Variants in ABCA13 observed in about 807,000 individuals in gnomAD.
ABCA13 encodes the protein ATP-binding cassette sub-family A member 13.
Under a neutral mutation model 478.7 loss-of-function variants are expected in ABCA13, and 476 were observed. That is an observed-to-expected ratio of 0.99 (90% CI 0.92 to 1.07). ABCA13 has a LOEUF of 1.07. ABCA13 is among the 50% of genes least tolerant of loss of function. The probability of loss-of-function intolerance (pLI) is 0.00; values close to 1 mark genes in which losing one functional copy is unlikely to be tolerated. For synonymous variants in ABCA13, 2,252 were observed against 2,158.9 expected, an observed-to-expected ratio of 1.04 and a Z score of -1.20; for missense variants, 6,060 against 5,910.6, an observed-to-expected ratio of 1.03 and a Z score of -0.83.
chr7:48,434,799 A>T (rs1241488730), intron 42 of ABCA13, among the ~76,000 whole-genome samples: 3 of 151,882 alleles, frequency 2.0e-5, no homozygotes, highest in Non-Finnish European at 4.4e-5. Flanking sequence ...TCATTTGTTG[A>T]AAACCAATTG....
At chr7:48,317,690 A>T (rs1802795513) in intron 27 of ABCA13, among the ~76,000 whole-genome samples, 2 of 152,226 alleles carry the variant, frequency 1.3e-5, no homozygotes, top group Non-Finnish European at 2.9e-5. Context: ...CATGATACAT[A>T]CAAACTGATG....
intron 35 of ABCA13, among the ~76,000 whole-genome samples, chr7:48,383,857 T>A (rs949262268): frequency 1.4e-4 from 21 of 152,212 alleles, no homozygotes; most frequent in African/African-American, 4.8e-4. Flanking sequence ...AATATTTTTA[T>A]CATAAGCATT....
intron 59 of ABCA13, among the ~76,000 whole-genome samples, chr7:48,633,915 CATAG>C (rs1427570741): frequency 1.7e-5 from 2 of 116,968 alleles, no homozygotes; most frequent in Non-Finnish European, 3.6e-5. Context: ...TAGATAGATA[CATAG>C]ATAGATAGAT....
chr7:48,536,424 G>A (rs147305081), intron 55 of ABCA13, among the ~76,000 whole-genome samples: 4,181 of 152,184 alleles, frequency 0.027, 77 homozygotes, highest in East Asian at 0.079. Context: ...GAGGTGGGAG[G>A]ATCACCTGAG....
At chr7:48,560,072 C>G (rs1424789354) in intron 55 of ABCA13, among the ~76,000 whole-genome samples, 1 of 152,142 alleles carries the variant, frequency 6.6e-6, no homozygotes, top group African/African-American at 2.4e-5. Flanking sequence ...GTAATCCCAG[C>G]CTAGAATTAG....
At chr7:48,354,898 A>C (rs1809644671) in intron 31 of ABCA13, among the ~76,000 whole-genome samples, 1 of 152,058 alleles carries the variant, frequency 6.6e-6, no homozygotes, top group Non-Finnish European at 1.5e-5. Context: ...ATGTTTGTTA[A>C]AATTTTTTTA....
intron 50 of ABCA13, among the ~76,000 whole-genome samples, chr7:48,510,139 A>G (rs1415233342): frequency 6.6e-6 from 1 of 151,568 alleles, no homozygotes; most frequent in East Asian, 2.0e-4. Context: ...GGAAGCAGAA[A>G]AACTAGTAAA....
intron 44 of ABCA13, among the ~76,000 whole-genome samples, chr7:48,468,739 A>G (rs1306836350): frequency 1.3e-5 from 2 of 152,178 alleles, no homozygotes; most frequent in African/African-American, 2.4e-5. Flanking sequence ...TTTTAAAATA[A>G]TACATTAGAT....
intron 1 of ABCA13, among the ~76,000 whole-genome samples, chr7:48,174,241 C>G (rs1027489439): frequency 6.6e-6 from 1 of 151,998 alleles, no homozygotes; most frequent in Non-Finnish European, 1.5e-5. Context: ...GTGAGTAAAG[C>G]CAGGAACTAT....
At chr7:48,609,563 G>A (rs546972415) in intron 58 of ABCA13, among the ~76,000 whole-genome samples, 7 of 152,152 alleles carry the variant, frequency 4.6e-5, no homozygotes, top group East Asian at 1.9e-4. Flanking sequence ...AGAACCTTGC[G>A]TACTACTTTT....
chr7:48,400,730 A>G (rs1265142822), intron 38 of ABCA13, among the ~76,000 whole-genome samples: 1 of 152,220 alleles, frequency 6.6e-6, no homozygotes, highest in Non-Finnish European at 1.5e-5. Flanking sequence ...TCCTGCTGCA[A>G]TGATAGGTGT....
At chr7:48,484,934 G>T (rs1829139903) in intron 47 of ABCA13, among the ~76,000 whole-genome samples, 1 of 152,128 alleles carries the variant, frequency 6.6e-6, no homozygotes, top group African/African-American at 2.4e-5. Context: ...TTTTCTTTCA[G>T]CCCTTAGGCT....
rs63333961 is a variant in ABCA13 at position 48,293,203 on chromosome 7, G to T, written c.8956-2497G>T. ...CTGAGAAGTCTTCAGCCCCCCCCCCGCCACACACACACTAAATCTACCTCA... is the reference window on the plus strand; with the variant it reads ...CTGAGAAGTCTTCAGCCCCCCCCCCTCCACACACACACTAAATCTACCTCA... On this transcript the variant is annotated intron_variant, in intron 20 of 61. Coordinates refer to ENST00000435803, the MANE Select transcript of ABCA13 (RefSeq NM_152701.5). Among the ~76,000 whole-genome samples the T allele has an allele frequency of 3.5e-5, 4 of 114,932 alleles. No individual in the cohort carries two copies. In the East Asian group the frequency reaches 1.2e-3, roughly 34 times the overall value. 75.4% of individuals were successfully genotyped at this position (114,932 alleles called of 152,430 possible).
intron 45 of ABCA13, among the ~76,000 whole-genome samples, chr7:48,473,760 C>T (rs749681178): frequency 6.6e-6 from 1 of 152,050 alleles, no homozygotes; most frequent in African/African-American, 2.4e-5. Context: ...CCTCTCTGGG[C>T]CTGATTATTT....
At chr7:48,197,672 A>T (rs778023837) in intron 2 of ABCA13, among the ~76,000 whole-genome samples, 29 of 148,402 alleles carry the variant, frequency 2.0e-4, no homozygotes, top group Non-Finnish European at 7.6e-5. Context: ...ATGGTTGGGG[A>T]TGTGTAAACA....
intron 42 of ABCA13, among the ~76,000 whole-genome samples, chr7:48,442,180 C>T (rs1472424501): frequency 2.6e-5 from 4 of 152,222 alleles, no homozygotes; most frequent in African/African-American, 4.8e-5. Flanking sequence ...CAAACTCTCA[C>T]GTTGCCCATG....
Position 48,350,640 on chromosome 7 carries a change from C to T in ABCA13, c.10205-3C>T. The T allele has an allele frequency of 6.2e-7, 1 of 1,611,176 alleles. No homozygotes were observed. Among genetic ancestry groups the T allele is most frequent in the Admixed American group, 1.7e-5 (1 of 59,786 alleles). Reference sequence around the variant, plus strand: ...TGTGTCCTAATCTGTTCACTTTCCTCAGGAGGGCTGCTGGATGAGATGTTT... The same window carrying T: ...TGTGTCCTAATCTGTTCACTTTCCTTAGGAGGGCTGCTGGATGAGATGTTT... On this transcript the variant is annotated splice_polypyrimidine_tract_variant and splice_region_variant and intron_variant, in intron 29 of 61. Transcript: ENST00000435803.
In ABCA13 at chr7:48,278,413, C is replaced by A. The variant is rs2128769782; in HGVS notation, c.7219C>A (p.Gln2407Lys). The A allele has an allele frequency of 6.2e-7, 1 of 1,613,922 alleles. No individual in the cohort carries two copies. The highest frequency in any genetic ancestry group is 8.5e-7 in the Non-Finnish European group (1 of 1,179,856). The change falls in exon 18 of 62, where the codon CAA becomes AAA. Residue 2407 changes from glutamine to lysine, a missense_variant. Physicochemically the swap from Gln to Lys is moderately conservative, Grantham distance 53. Around this residue, in one of 3 missense-constraint regions of ABCA13, gnomAD observed 4,423 missense variants for 4,309.1 expected, o/e 1.03. Transcript: ENST00000435803. ...NKSEDLFKLN[Q>K]DLGSALHLVR... ...GTCTGAGGACCTCTTCAAACTCAAT[C>A]AAGATCTTGGGTCAGCTCTTCACCT...
intron 31 of ABCA13, among the ~76,000 whole-genome samples, chr7:48,358,111 C>T (rs112818848): frequency 0.024 from 3,541 of 150,180 alleles, 178 homozygotes; most frequent in African/African-American, 0.084. Flanking sequence ...CATTGCACTC[C>T]AGCCTGGGTG....
Sources: allele counts gnomAD v4.1 joint callset (sites outside exome capture counted in the v4.1 genomes callset), GRCh38; gene constraint gnomAD v4.1.1; regional missense constraint gnomAD v4.1.1; transcripts MANE v1.5; gene names NCBI Gene and HGNC (gene_info 2026-07-23, HGNC 2026-07-21).